SCD: variants seen among roughly 807,000 people sequenced by gnomAD.
SCD encodes acyl-CoA desaturase.
SCD carries 4 observed loss-of-function variants against 35.7 expected under a neutral mutation model. That is an observed-to-expected ratio of 0.11 (90% CI 0.06 to 0.26). SCD has a LOEUF of 0.26. Among genes scored for constraint, SCD ranks in the 10% least tolerant of loss-of-function variants. SCD has a pLI of 1.00. For missense variants in SCD, 282 were observed against 460.7 expected, an observed-to-expected ratio of 0.61 and a Z score of 3.55; for synonymous variants, 150 against 170.2, an observed-to-expected ratio of 0.88 and a Z score of 0.92.
chr10:100,357,799 T>G (rs1254211210), intron 5 of SCD, among the ~76,000 whole-genome samples: 2 of 152,076 alleles, frequency 1.3e-5, no homozygotes, highest in Non-Finnish European at 2.9e-5. Flanking sequence ...CAACTGAATA[T>G]AGACTTTCAC....
rs59666692 is a variant in SCD at position 100,356,451 on chromosome 10, ATCCCC to A, written c.648-76_648-72del. The A allele has an allele frequency of 0.4, 398,295 of 990,958 alleles. 79,937 individuals carry two copies. The highest frequency in any genetic ancestry group is 0.54 in the Admixed American group (29,654 of 55,030). The allele number at this position is 990,958 out of a possible 1,614,324, so 61.4% of individuals were successfully genotyped here. ...ATTCAACATGGAAGAAAGACAGCCC[ATCCCC>A]TCCCAATTAGTGTGGAAGATCCATG... is the stretch of plus-strand genomic sequence containing the variant. On this transcript the variant is annotated intron_variant, in intron 4 of 5. Transcript: ENST00000370355. This position sits in a 1 kb window ranked among gnomAD's most constrained non-coding sequence, Gnocchi z 4.1.
Position 100,356,742 on chromosome 10 carries a change from C to T in SCD, c.858C>T (p.Ile286=). 1.2e-6 allele frequency: 2 copies of T among 1,614,164 alleles called. No homozygotes were observed. The highest frequency in any genetic ancestry group is 1.7e-6 in the Non-Finnish European group (2 of 1,180,004). ...YDKNISPREN[I]LVSLGAVGEG... is the part of the protein sequence containing the mutation. ...AGAACATTAGCCCCCGGGAGAATAT[C>T]CTGGTTTCACTTGGAGCTGTGGGTA... The change falls in exon 5 of 6, where the codon ATC becomes ATT. Residue 286 remains isoleucine (I), a synonymous_variant. Transcript: ENST00000370355. The surrounding 1 kb of genome is among the most constrained non-coding windows in gnomAD (Gnocchi z 4.1).
chr10:100,348,908 G>A (rs1002404261), intron 2 of SCD, among the ~76,000 whole-genome samples: 4 of 152,232 alleles, frequency 2.6e-5, no homozygotes, highest in Non-Finnish European at 5.9e-5. Context: ...TACAGAGGAA[G>A]ATGAAGCTCC....
At chr10:100,358,675 A>G (rs1455431120) in intron 5 of SCD, among the ~76,000 whole-genome samples, 1 of 150,900 alleles carries the variant, frequency 6.6e-6, no homozygotes, top group Non-Finnish European at 1.5e-5. Flanking sequence ...TTGGGAAGCC[A>G]AAGTGGGTGG....
chr10:100,353,236 T>C (rs1454367724), intron 3 of SCD, among the ~76,000 whole-genome samples: 3 of 152,172 alleles, frequency 2.0e-5, no homozygotes, highest in Non-Finnish European at 4.4e-5. Flanking sequence ...CAGCCCAACA[T>C]TGTGGCCCTT....
intron 4 of SCD, among the ~76,000 whole-genome samples, chr10:100,355,422 T>C (rs1057429268): frequency 1.3e-5 from 2 of 151,946 alleles, no homozygotes; most frequent in Admixed American, 1.3e-4. Flanking sequence ...AGCAATAGAG[T>C]CCTTTTGCTT....
chr10:100,350,393 G>A (rs1335957730), intron 2 of SCD, among the ~76,000 whole-genome samples: 1 of 152,078 alleles, frequency 6.6e-6, no homozygotes. Context: ...TCTTATGACT[G>A]AGCACTTTTG....
At chr10:100,355,462 T>G (rs1849918623) in intron 4 of SCD, among the ~76,000 whole-genome samples, 1 of 152,190 alleles carries the variant, frequency 6.6e-6, no homozygotes, top group Admixed American at 6.5e-5. Flanking sequence ...GAAGTAAGAC[T>G]GGAGAGACTA....
intron 3 of SCD, among the ~76,000 whole-genome samples, chr10:100,353,650 T>C (rs771036044): frequency 1.1e-4 from 17 of 151,438 alleles, no homozygotes; most frequent in Non-Finnish European, 2.2e-4. Context: ...GAATGCATCA[T>C]AGTCATTAAG....
chr10:100,347,991 A>T (rs1045109641), intron 1 of SCD, 73 bp from the exon 2 acceptor site: 3 of 1,457,622 alleles, frequency 2.1e-6, no homozygotes, highest in Non-Finnish European at 2.8e-6. Flanking sequence ...CCCCAGCGTG[A>T]TTAGAGAGCG....
At position 100,362,484 on chromosome 10, in the gene SCD, C is replaced by T. The variant is rs1849999591; in HGVS notation, c.*1551C>T. 6.6e-6 allele frequency: 1 copy of T among 152,216 alleles called. No individual in the cohort carries two copies. Among genetic ancestry groups the T allele is most frequent in the South Asian group, 2.1e-4 (1 of 4,832 alleles). The allele number at this position is 152,216 out of a possible 1,614,324, so 9.4% of individuals were successfully genotyped here. A position where few individuals can be genotyped will look rare whatever the true frequency, so the allele number is the denominator to read the frequency against. ...TCTTCACTACCCTGATTCTTGATTC[C>T]TGGCTCTACCCTGTCTGTCCCTTTT... On this transcript the variant is annotated 3_prime_UTR_variant, in exon 6 of 6. Transcript: ENST00000370355.
chr10:100,349,886 C>T (rs1849853150), intron 2 of SCD, among the ~76,000 whole-genome samples: 1 of 152,134 alleles, frequency 6.6e-6, no homozygotes, highest in African/African-American at 2.4e-5. Flanking sequence ...GGATGCCTCT[C>T]TCCACCCTTT....
Position 100,347,411 on chromosome 10 carries a change from C to G in SCD, c.-94C>G. The G allele has an allele frequency of 1.5e-6, 2 of 1,371,684 alleles. No homozygotes were observed. The highest frequency in any genetic ancestry group is 2.0e-6 in the Non-Finnish European group (2 of 983,334). The allele number at this position is 1,371,684 out of a possible 1,614,324, so 85.0% of individuals were successfully genotyped here. A position where few individuals can be genotyped will look rare whatever the true frequency, so the allele number is the denominator to read the frequency against. ...CAAGGCGCCGCGGCTCAGCGCGTAC[C>G]GGCGGGCTTCGAAACCGCAGTCCTC... On this transcript the variant is annotated 5_prime_UTR_variant, in exon 1 of 6. Coordinates refer to ENST00000370355, the MANE Select transcript of SCD (RefSeq NM_005063.5).
chr10:100,356,818 T>C lies in SCD; in HGVS notation c.880+54T>C, dbSNP rs1849933657. Reference sequence around the variant, plus strand: ...TCCAGTGGTCTGCTGATTAGGGGATTAGGCTAGGAGCCAGAAAAACTAGAT... The same window carrying C: ...TCCAGTGGTCTGCTGATTAGGGGATCAGGCTAGGAGCCAGAAAAACTAGAT... On this transcript the variant is annotated intron_variant, in intron 5 of 5. Coordinates refer to ENST00000370355, the MANE Select transcript of SCD (RefSeq NM_005063.5). The surrounding 1 kb of genome is among the most constrained non-coding windows in gnomAD (Gnocchi z 4.1). The C allele has an allele frequency of 1.4e-6, 2 of 1,425,314 alleles. No homozygotes were observed. The highest frequency in any genetic ancestry group is 2.8e-5 in the African/African-American group (2 of 71,166). 88.3% of individuals were successfully genotyped at this position (1,425,314 alleles called of 1,614,324 possible). A position where few individuals can be genotyped will look rare whatever the true frequency, so the allele number is the denominator to read the frequency against.
At position 100,363,081 on chromosome 10, in the gene SCD, C is replaced by G. The variant is rs1327734906; in HGVS notation, c.*2148C>G. 5.3e-5 allele frequency: 8 copies of G among 152,262 alleles called. No homozygotes were observed. Among genetic ancestry groups the G allele is most frequent in the Non-Finnish European group, 1.2e-4 (8 of 68,060 alleles). 9.4% of individuals were successfully genotyped at this position (152,262 alleles called of 1,614,324 possible). A position where few individuals can be genotyped will look rare whatever the true frequency, so the allele number is the denominator to read the frequency against. ...CCTCACCTCGAAAGGAGGCCCTGTT[C>G]CCTGGAGTCAGGGTGAACTGCAAAG... On this transcript the variant is annotated 3_prime_UTR_variant, in exon 6 of 6. Transcript: ENST00000370355.
At position 100,352,547 on chromosome 10, in the gene SCD, CG is replaced by C; in HGVS notation, c.441+55del. On this transcript the variant is annotated intron_variant, in intron 3 of 5. Transcript: ENST00000370355. This position sits in a 1 kb window ranked among gnomAD's most constrained non-coding sequence, Gnocchi z 4.2. The stretch of plus-strand genomic sequence containing the variant: ...TTTGTCCTCCACACTATTAATGATC[CG>C]GGGACAGAAAGGAGGGATCAGCACC... 4 of 1,578,384 alleles carry C rather than the reference CG, an allele frequency of 2.5e-6. No individual in the cohort carries two copies. The highest frequency in any genetic ancestry group is 3.5e-6 in the Non-Finnish European group (4 of 1,155,724).
At position 100,348,228 on chromosome 10, in the gene SCD, C is replaced by T. The variant is rs745884751; in HGVS notation, c.192C>T (p.Gly64=). 45 of 1,613,988 alleles carry T rather than the reference C, an allele frequency of 2.8e-5. No individual in the cohort carries two copies. The highest frequency in any genetic ancestry group is 3.6e-5 in the Non-Finnish European group (43 of 1,180,020). ...ACCCCACCTACAAGGATAAGGAAGG[C>T]CCAAGCCCCAAGGTTGAATATGTCT... ...IYDPTYKDKE[G]PSPKVEYVWR... The change falls in exon 2 of 6, where the codon GGC becomes GGT. Residue 64 remains glycine, a synonymous_variant. Transcript: ENST00000370355.
At chr10:100,357,885 A>G (rs192659128) in intron 5 of SCD, among the ~76,000 whole-genome samples, 1 of 152,330 alleles carries the variant, frequency 6.6e-6, no homozygotes, top group Admixed American at 6.5e-5. Flanking sequence ...TTGGTCATTC[A>G]ATAATATCTA....
At position 100,356,275 on chromosome 10, in the gene SCD, G is replaced by C. The variant is rs1849926138; in HGVS notation, c.648-257G>C. 1.3e-5 allele frequency among the ~76,000 whole-genome samples: 2 copies of C among 152,186 alleles called. No homozygotes were observed. Among genetic ancestry groups the C allele is most frequent in the African/African-American group, 4.8e-5 (2 of 41,444 alleles). On this transcript the variant is annotated intron_variant, in intron 4 of 5. Transcript: ENST00000370355. The surrounding 1 kb of genome is among the most constrained non-coding windows in gnomAD (Gnocchi z 4.1). ...GCCTGTGGTCCCAGCTACTCAGGAGGCTGGGGTGGGAGGATCTCTTGGCCC... is the reference window on the plus strand; with the variant it reads ...GCCTGTGGTCCCAGCTACTCAGGAGCCTGGGGTGGGAGGATCTCTTGGCCC...
Sources: gnomAD v4.1 joint callset for allele counts (sites outside exome capture counted in the v4.1 genomes callset) on GRCh38, gnomAD v4.1.1 for gene constraint, Gnocchi (gnomAD v3.1) non-coding constraint, MANE v1.5 for transcripts, NCBI Gene and HGNC (gene_info 2026-07-23, HGNC 2026-07-21) for gene names.